SKAP1: variants seen among roughly 807,000 people sequenced by gnomAD.
SKAP1 encodes src kinase associated phosphoprotein 1, also known as src kinase-associated phosphoprotein 1.
SKAP1 carries 44 observed loss-of-function variants against 58.5 expected under a neutral mutation model. That is an observed-to-expected ratio of 0.75 (90% confidence interval 0.59 to 0.97). The LOEUF (loss-of-function observed/expected upper bound fraction) is 0.97, where lower values mean the gene tolerates loss of function less well. Among genes scored for constraint, SKAP1 ranks in the 50% least tolerant of loss-of-function variants. SKAP1 has a pLI of 0.00. For synonymous variants in SKAP1, 127 were observed against 149.7 expected (o/e 0.85, Z 1.11); for missense variants, 390 against 435.2 (o/e 0.90, Z 0.92).
intron 4 of SKAP1, among the ~76,000 whole-genome samples, chr17:48,288,376 G>A (rs1305483116): frequency 6.6e-6 from 1 of 152,126 alleles, no homozygotes; most frequent in East Asian, 1.9e-4. Flanking sequence ...CAAAATAGTG[G>A]CTGACTACCA....
At position 48,413,284 on chromosome 17, in the gene SKAP1, G is replaced by A. The variant is rs796364559; in HGVS notation, c.47-16499C>T. Reference sequence around the variant, plus strand: ...AATCCCAGCACTTTGGGAGGCTGAGGTGGGTGGATCTCCTGAGGTCAGGAG... The same window carrying A: ...AATCCCAGCACTTTGGGAGGCTGAGATGGGTGGATCTCCTGAGGTCAGGAG... On this transcript the variant is annotated intron_variant, in intron 1 of 12. Transcript: ENST00000336915. Among the ~76,000 whole-genome samples the A allele has an allele frequency of 4.2e-4, 63 of 151,610 alleles. 1 individual carries two copies. Among genetic ancestry groups the A allele is most frequent in the African/African-American group, 1.5e-3 (63 of 41,300 alleles).
chr17:48,303,758 C>A (rs2066095157), intron 4 of SKAP1, among the ~76,000 whole-genome samples: 1 of 152,090 alleles, frequency 6.6e-6, no homozygotes, highest in South Asian at 2.1e-4. Context: ...GAAATACAGT[C>A]CTCTGAATTT....
At chr17:48,407,869 C>G (rs942093830) in intron 1 of SKAP1, among the ~76,000 whole-genome samples, 27 of 140,594 alleles carry the variant, frequency 1.9e-4, no homozygotes, top group Non-Finnish European at 3.7e-4. Context: ...AAAAAAAAGG[C>G]AGGGGAGGAA....
At chr17:48,230,163 T>C (rs1327885890) in intron 4 of SKAP1, among the ~76,000 whole-genome samples, 1 of 152,180 alleles carries the variant, frequency 6.6e-6, no homozygotes, top group East Asian at 1.9e-4. Flanking sequence ...AAAAAGATGT[T>C]GATTTCCTGT....
intron 11 of SKAP1, among the ~76,000 whole-genome samples, chr17:48,139,874 C>T (rs1255044655): frequency 6.6e-6 from 1 of 152,142 alleles, no homozygotes; most frequent in Non-Finnish European, 1.5e-5. Flanking sequence ...AGCACCCCTC[C>T]CCTGGTTTAA....
intron 8 of SKAP1, among the ~76,000 whole-genome samples, chr17:48,181,222 A>C (rs990743966): frequency 3.3e-5 from 5 of 152,232 alleles, no homozygotes; most frequent in Admixed American, 6.5e-5. Context: ...TCAAAAACAC[A>C]TTTGTGGCTT....
At chr17:48,287,952 A>G (rs2065852760) in intron 4 of SKAP1, among the ~76,000 whole-genome samples, 1 of 152,254 alleles carries the variant, frequency 6.6e-6, no homozygotes, top group Admixed American at 6.5e-5. Context: ...ACAGAATTCA[A>G]AGCAGATGGA....
At chr17:48,348,926 G>A (rs1328542749) in intron 3 of SKAP1, among the ~76,000 whole-genome samples, 1 of 152,198 alleles carries the variant, frequency 6.6e-6, no homozygotes, top group African/African-American at 2.4e-5. Flanking sequence ...ACAGAGCCTA[G>A]GTCAGTAGTA....
At chr17:48,315,355 G>A (rs2066274672) in intron 4 of SKAP1, among the ~76,000 whole-genome samples, 1 of 152,122 alleles carries the variant, frequency 6.6e-6, no homozygotes, top group Non-Finnish European at 1.5e-5. Context: ...AAATATGCAT[G>A]TGTGCTTCCC....
intron 4 of SKAP1, among the ~76,000 whole-genome samples, chr17:48,261,800 G>T (rs1306598011): frequency 2.0e-5 from 3 of 151,748 alleles, no homozygotes; most frequent in African/African-American, 7.3e-5. Context: ...GGCATTACAG[G>T]TTCCTTTTGT....
intron 4 of SKAP1, among the ~76,000 whole-genome samples, chr17:48,262,104 G>T (rs558326422): frequency 1.3e-5 from 2 of 152,324 alleles, no homozygotes; most frequent in Non-Finnish European, 2.9e-5. Flanking sequence ...TAGTAGTGTG[G>T]CTGCCTACAA....
chr17:48,376,244 C>G (rs1177875078), intron 2 of SKAP1, among the ~76,000 whole-genome samples: 3 of 151,474 alleles, frequency 2.0e-5, no homozygotes, highest in Non-Finnish European at 2.9e-5. Context: ...TGACTGTGGC[C>G]CATATACTCA....
At chr17:48,293,322 T>C (rs2065922306) in intron 4 of SKAP1, among the ~76,000 whole-genome samples, 1 of 152,214 alleles carries the variant, frequency 6.6e-6, no homozygotes, top group Non-Finnish European at 1.5e-5. Flanking sequence ...TGTTCTTCTG[T>C]GGTCTTCAGA....
At chr17:48,363,639 G>T (rs1245908691) in intron 3 of SKAP1, 150 bp downstream of exon 3, 2 of 603,334 alleles carry the variant, frequency 3.3e-6, no homozygotes, top group Admixed American at 5.5e-5. Context: ...GGGGAGCGCA[G>T]CAGGGTGAAG....
chr17:48,428,381 C>G (rs1025422094), intron 1 of SKAP1, among the ~76,000 whole-genome samples: 5 of 152,188 alleles, frequency 3.3e-5, no homozygotes, highest in African/African-American at 1.2e-4. Context: ...AACAAAGGTT[C>G]TGCTTTAGAA....
intron 3 of SKAP1, among the ~76,000 whole-genome samples, chr17:48,360,120 T>A (rs1434776627): frequency 6.6e-6 from 1 of 152,136 alleles, no homozygotes; most frequent in African/African-American, 2.4e-5. Context: ...CTACCACAAA[T>A]GTAATGTGAG....
At chr17:48,180,600 C>T (rs757562432) in intron 8 of SKAP1, among the ~76,000 whole-genome samples, 6 of 152,098 alleles carry the variant, frequency 3.9e-5, no homozygotes, top group Non-Finnish European at 5.9e-5. Flanking sequence ...CAGCTTATCA[C>T]GTAGAAAACT....
rs192277359 is a variant in SKAP1 at position 48,200,756 on chromosome 17, T to C, written c.281-11256A>G. ...TCCCTTAAATATACACAATACACTG[T>C]AAGGAGTGTGATACTAATTATTTAA... On this transcript the variant is annotated intron_variant, in intron 4 of 12. Coordinates refer to ENST00000336915, the MANE Select transcript of SKAP1 (RefSeq NM_003726.4). Among the ~76,000 whole-genome samples, 407 of 152,326 alleles carry C rather than the reference T, an allele frequency of 2.7e-3. 3 individuals are homozygous for C. The Middle Eastern group carries it at 0.031, about 11-fold the overall frequency.
At chr17:48,301,664 A>G (rs1183988984) in intron 4 of SKAP1, among the ~76,000 whole-genome samples, 2 of 152,134 alleles carry the variant, frequency 1.3e-5, no homozygotes, top group Non-Finnish European at 2.9e-5. Context: ...TTTAATAGAC[A>G]TGGGGTTTCA....
Sources: gnomAD v4.1 joint callset for allele counts (sites outside exome capture counted in the v4.1 genomes callset) on GRCh38, gnomAD v4.1.1 for gene constraint, MANE v1.5 for transcripts, NCBI Gene and HGNC (gene_info 2026-07-23, HGNC 2026-07-21) for gene names.